OARD1: variants seen among roughly 807,000 people sequenced by gnomAD.
The protein encoded by OARD1 is O-acyl-ADP-ribose deacylase 1, also known as ADP-ribose glycohydrolase OARD1.
In OARD1, 19 loss-of-function variants were observed where a neutral mutation model predicts 19.7. That is an observed-to-expected ratio of 0.96 (90% CI 0.67 to 1.41). The LOEUF is 1.41. Among genes scored for constraint, OARD1 ranks in the 40% most tolerant of loss-of-function variants. The pLI is 0.00. For synonymous variants in OARD1, 70 were observed against 61.8 expected, an observed-to-expected ratio of 1.13 and a Z score of -0.62; for missense variants, 190 against 183.8, an observed-to-expected ratio of 1.03 and a Z score of -0.20.
At position 41,089,841 on chromosome 6, in the gene OARD1, C is replaced by T. The variant is rs150485775; in HGVS notation, c.-42+7872G>A. The T allele has an allele frequency of 1.6e-4, 203 of 1,297,782 alleles. 1 individual carries two copies. In the East Asian group the frequency reaches 4.4e-3, roughly 28 times the overall value. 80.4% of individuals were successfully genotyped at this position (1,297,782 alleles called of 1,614,324 possible). A position where few individuals can be genotyped will look rare whatever the true frequency, so the allele number is the denominator to read the frequency against. The stretch of plus-strand genomic sequence containing the variant: ...AACCATAAAAAAATATATTTTTGGC[C>T]GGGCGCGGTGGCTCATGCCTGTAAT... On this transcript the variant is annotated intron_variant, in intron 1 of 4. Coordinates refer to the OARD1 transcript ENST00000480585.
At chr6:41,073,689 GC>G (rs1004412715), upstream of OARD1, among the ~76,000 whole-genome samples, 4 of 152,048 alleles carry the variant, frequency 2.6e-5, no homozygotes, top group African/African-American at 9.7e-5. Context: ...AACGGGGCTG[GC>G]CCGCCCACGC....
intron 1 of OARD1, chr6:41,089,856 A>C: frequency 5.1e-5 from 57 of 1,121,488 alleles, no homozygotes; most frequent in Non-Finnish European, 6.8e-5. Flanking sequence ...GCGGTGGCTC[A>C]TGCCTGTAAT....
intron 1 of OARD1, among the ~76,000 whole-genome samples, chr6:41,087,354 C>T (rs1349259573): frequency 6.6e-6 from 1 of 152,104 alleles, no homozygotes; most frequent in Non-Finnish European, 1.5e-5. Context: ...CTGTTTTTTT[C>T]ACCTTCCTTC....
chr6:41,078,618 T>C (rs1384483925), intron 1 of OARD1, among the ~76,000 whole-genome samples: 1 of 152,248 alleles, frequency 6.6e-6, no homozygotes, highest in African/African-American at 2.4e-5. Context: ...TTGCCTACCA[T>C]ATGTAGTGGA....
In OARD1 at chr6:41,071,581, A is replaced by G. The variant is rs1476614758; in HGVS notation, c.39+15T>C. ...CGAATTTCAGTTCACCAATAAGTCA[A>G]TAGTTGTTACGCACTCTGCTTCCTT... is the stretch of plus-strand genomic sequence containing the variant. On this transcript the variant is annotated intron_variant, in intron 2 of 5. Transcript: ENST00000424266. 5 of 1,606,062 alleles carry G rather than the reference A, an allele frequency of 3.1e-6. No homozygotes were observed. Among genetic ancestry groups the G allele is most frequent in the Non-Finnish European group, 4.3e-6 (5 of 1,172,658 alleles).
intron 1 of OARD1, among the ~76,000 whole-genome samples, chr6:41,087,385 A>G (rs1435668226): frequency 6.6e-6 from 1 of 152,124 alleles, no homozygotes; most frequent in African/African-American, 2.4e-5. Context: ...CCTTTTTCCT[A>G]TCAGCTGGTA....
rs1763029296 is a variant in OARD1, at chr6:41,066,835, T to A, written c.*500A>T. On this transcript the variant is annotated 3_prime_UTR_variant, in exon 6 of 6. Coordinates refer to ENST00000424266, the MANE Select transcript of OARD1 (RefSeq NM_001329686.2). ...TTTTTCCATTTTTATCACCACAAATTTCTTGGTAACAATGTAGAATTTAAT... is the reference window on the plus strand; with the variant it reads ...TTTTTCCATTTTTATCACCACAAATATCTTGGTAACAATGTAGAATTTAAT... The A allele has an allele frequency of 6.6e-6, 1 of 152,240 alleles. No homozygotes were observed. Among genetic ancestry groups the A allele is most frequent in the South Asian group, 2.1e-4 (1 of 4,834 alleles). The allele number at this position is 152,240 out of a possible 1,614,324, so 9.4% of individuals were successfully genotyped here.
At chr6:41,083,538 CCTCTACATAAG>C (rs1425736093) in intron 1 of OARD1, among the ~76,000 whole-genome samples, 1 of 152,140 alleles carries the variant, frequency 6.6e-6, no homozygotes, top group East Asian at 1.9e-4. Context: ...AAAGGGTCAT[CCTCTACATAAG>C]CTTCCAGAGC....
intron 1 of OARD1, among the ~76,000 whole-genome samples, chr6:41,089,308 C>T (rs1582032253): frequency 6.6e-6 from 1 of 152,316 alleles, no homozygotes; most frequent in African/African-American, 2.4e-5. Context: ...AATATGCATG[C>T]TTTTCAATAT....
intron 1 of OARD1, chr6:41,097,700 A>C: frequency 3.2e-6 from 1 of 312,864 alleles, no homozygotes; most frequent in South Asian, 4.3e-5. Context: ...CCAGCAGTAC[A>C]CAAAGCACTT....
chr6:41,093,362 T>C lies in OARD1; in HGVS notation c.-42+4351A>G, dbSNP rs139891363. Among the ~76,000 whole-genome samples, 418 of 152,344 alleles carry C rather than the reference T, an allele frequency of 2.7e-3. 6 individuals are homozygous for C. In the South Asian group the frequency reaches 0.037, roughly 13 times the overall value. ...CTGGACTGGTAGCACATTTTCACAG[T>C]TCTCAAGACCTGTTTCACTGCTTTA... On this transcript the variant is annotated intron_variant, in intron 1 of 4. Transcript: ENST00000480585.
Position 41,067,256 on chromosome 6 carries a change from T to G in OARD1, c.*79A>C, listed in dbSNP as rs527468988. 1 of 811,220 alleles carries G rather than the reference T, an allele frequency of 1.2e-6. No individual in the cohort carries two copies. The highest frequency in any genetic ancestry group is 1.7e-5 in the African/African-American group (1 of 58,462). 50.3% of individuals were successfully genotyped at this position (811,220 alleles called of 1,614,324 possible). On this transcript the variant is annotated 3_prime_UTR_variant, in exon 6 of 6. Transcript: ENST00000424266. ...CTCATGAAACTTTCCTCTGCCTATTTTAAGGTAGGTTTGCCCGGTCCTATG... is the reference window on the plus strand; with the variant it reads ...CTCATGAAACTTTCCTCTGCCTATTGTAAGGTAGGTTTGCCCGGTCCTATG...
rs1762972629 is a variant in OARD1 at position 41,065,487 on chromosome 6, T to TC, written c.*1847dup. The stretch of plus-strand genomic sequence containing the variant: ...ATTTTAAGTTTCTTTAAGTTTCTTA[T>TC]CCCCCACTCTCACTTTCAATTTTGT... On this transcript the variant is annotated 3_prime_UTR_variant, in exon 6 of 6. Transcript: ENST00000424266. 6.6e-6 allele frequency: 1 copy of TC among 152,176 alleles called. No homozygotes were observed. Among genetic ancestry groups the TC allele is most frequent in the Non-Finnish European group, 1.5e-5 (1 of 68,028 alleles). 9.4% of individuals were successfully genotyped at this position (152,176 alleles called of 1,614,324 possible).
At chr6:41,074,152 G>A (rs555693629), upstream of OARD1, among the ~76,000 whole-genome samples, 1 of 151,634 alleles carries the variant, frequency 6.6e-6, no homozygotes, top group Admixed American at 6.6e-5. Flanking sequence ...ATGTTACTTT[G>A]TGTCAGGCTT....
chr6:41,082,637 A>G (rs1176827400), intron 1 of OARD1, among the ~76,000 whole-genome samples: 3 of 152,248 alleles, frequency 2.0e-5, no homozygotes, highest in Non-Finnish European at 2.9e-5. Flanking sequence ...CTTTATGGAA[A>G]TAATAGAAAC....
At position 41,093,254 on chromosome 6, in the gene OARD1, A is replaced by G. The variant is rs186376711; in HGVS notation, c.-42+4459T>C. Among the ~76,000 whole-genome samples the G allele has an allele frequency of 3.0e-4, 46 of 152,362 alleles. No individual in the cohort carries two copies. The Middle Eastern group carries it at 0.01, about 34-fold the overall frequency. The stretch of plus-strand genomic sequence containing the variant: ...TTTGTTATTACTAATATGCAGCTGC[A>G]GTTATAATAACGAAAACAAACAGTG... On this transcript the variant is annotated intron_variant, in intron 1 of 4. Transcript: ENST00000480585.
At chr6:41,097,513 A>AC in intron 1 of OARD1, 1 of 1,233,784 alleles carries the variant, frequency 8.1e-7, no homozygotes, top group African/African-American at 1.5e-5. Flanking sequence ...TCTGCCCTTT[A>AC]CTACAGGACA....
At chr6:41,097,479 C>G in intron 1 of OARD1, 3 of 1,494,716 alleles carry the variant, frequency 2.0e-6, no homozygotes, top group Non-Finnish European at 2.8e-6. Flanking sequence ...ATCAACTCTT[C>G]CAATGGGACA....
At chr6:41,096,941 T>A (rs1046400779) in intron 1 of OARD1, among the ~76,000 whole-genome samples, 3 of 152,244 alleles carry the variant, frequency 2.0e-5, no homozygotes, top group Non-Finnish European at 4.4e-5. Flanking sequence ...CTAATGATTC[T>A]TTCTAGCCCT....
Sources: gnomAD v4.1 joint callset for allele counts (sites outside exome capture counted in the v4.1 genomes callset) on GRCh38, gnomAD v4.1.1 for gene constraint, MANE v1.5 for transcripts, NCBI Gene and HGNC (gene_info 2026-07-23, HGNC 2026-07-21) for gene names.